The following POMT2 variants were observed in gnomAD, a reference collection of about 807,000 sequenced individuals.
POMT2 encodes the protein protein O-mannosyl-transferase 2.
In POMT2, 75 loss-of-function variants were observed where a neutral mutation model predicts 100.0. The observed-to-expected ratio is 0.75, with a 90% CI of 0.62 to 0.91. The LOEUF (loss-of-function observed/expected upper bound fraction) is 0.91. POMT2 is among the 40% of genes least tolerant of loss of function. The pLI is 0.00. For synonymous variants in POMT2, 378 were observed against 374.1 expected (o/e 1.01, Z -0.12); for missense variants, 940 against 955.1 (o/e 0.98, Z 0.21).
Position 77,278,418 on chromosome 14 carries a change from C to G in POMT2, c.2123G>C (p.Ser708Thr). The G allele has an allele frequency of 6.8e-7, 1 of 1,479,708 alleles. No individual in the cohort carries two copies. Among genetic ancestry groups the G allele is most frequent in the Non-Finnish European group, 9.2e-7 (1 of 1,082,372 alleles). The allele number at this position is 1,479,708 out of a possible 1,614,324, so 91.7% of individuals were successfully genotyped here. ...ARGIHVAGIL[S>T]LLLGTAYSFY... The stretch of plus-strand genomic sequence containing the variant: ...CCTGTAGGCAGTTCCCAGGAGCAGG[C>G]TCAGGATTCCCGCCACATGTATGCC... The change falls in exon 20 of 21, where the codon AGC becomes ACC. Residue 708 changes from serine (S) to threonine (T), a missense_variant. Ser to Thr is a moderately conservative substitution (Grantham distance 58). Coordinates refer to ENST00000261534, the MANE Select transcript of POMT2 (RefSeq NM_013382.7).
chr14:77,288,441 C>A (rs1029417473), intron 11 of POMT2, among the ~76,000 whole-genome samples: 5 of 151,950 alleles, frequency 3.3e-5, no homozygotes, highest in African/African-American at 1.2e-4. Context: ...GAGGCTGAAG[C>A]GGGAGGATCG....
intron 10 of POMT2, 61 bp from the exon 11 acceptor site, chr14:77,288,892 G>T: frequency 7.2e-7 from 1 of 1,393,610 alleles, no homozygotes; most frequent in Non-Finnish European, 1.0e-6. Context: ...ATTAATCAAG[G>T]GCCTACTGGT....
In POMT2 at chr14:77,290,466, G is replaced by A. The variant is rs192478266; in HGVS notation, c.1183+848C>T. Among the ~76,000 whole-genome samples, 7 of 152,346 alleles carry A rather than the reference G, an allele frequency of 4.6e-5. No homozygotes were observed. The East Asian group carries it at 1.3e-3, about 29-fold the overall frequency. The stretch of plus-strand genomic sequence containing the variant: ...AATAAGAGGAGGTGGATTTAGGTGA[G>A]CAGCTGCCCATTTCTCTACAAAGGC... On this transcript the variant is annotated intron_variant, in intron 10 of 20. Coordinates refer to ENST00000261534, the MANE Select transcript of POMT2 (RefSeq NM_013382.7).
In POMT2 at chr14:77,279,860, G is replaced by A. The variant is rs1407950406; in HGVS notation, c.1854C>T (p.Ala618=). ...CTGGCAGCCGTGCCCCTCTCTGCAT[G>A]GCTACAGCAATGATGCTCCCTGAGA... is the stretch of plus-strand genomic sequence containing the variant. The part of the protein sequence containing the change: ...YLLSGSIIAV[A]MQRGARLPAE... Residue 618 remains alanine (A), a synonymous_variant, in exon 18 of 21, where the codon GCC becomes GCT. Coordinates refer to ENST00000261534, the MANE Select transcript of POMT2 (RefSeq NM_013382.7). 5.0e-6 allele frequency: 8 copies of A among 1,613,962 alleles called. No individual in the cohort carries two copies. In the South Asian group the frequency reaches 8.8e-5, roughly 18 times the overall value.
rs186872560 is a variant in POMT2, at chr14:77,284,998, C to T, written c.1528G>A (p.Glu510Lys). The T allele has an allele frequency of 6.2e-6, 10 of 1,613,744 alleles. No homozygotes were observed. The Admixed American group carries it at 1.2e-4, about 19-fold the overall frequency. The change falls in exon 14 of 21, where the codon GAA (glutamate) becomes AAA (lysine). Residue 510 changes from glutamate to lysine, a missense_variant. Coordinates refer to ENST00000261534, the MANE Select transcript of POMT2 (RefSeq NM_013382.7). Reference sequence around the variant, plus strand: ...ACATTCCAGATGGAGTTGAGGGTTTCTTTCAGGTATGGGGTGCAAGTAACT... The same window carrying T: ...ACATTCCAGATGGAGTTGAGGGTTTTTTTCAGGTATGGGGTGCAAGTAACT... ...LEVTCTPYLK[E>K]TLNSIWNVED...
chr14:77,278,416 G>A lies in POMT2; in HGVS notation c.2125C>T (p.Leu709=). 1 of 1,476,518 alleles carries A rather than the reference G, an allele frequency of 6.8e-7. No homozygotes were observed. Among genetic ancestry groups the A allele is most frequent in the Non-Finnish European group, 9.3e-7 (1 of 1,079,346 alleles). 91.5% of individuals were successfully genotyped at this position (1,476,518 alleles called of 1,614,324 possible). Residue 709 remains leucine (L), a synonymous_variant, in exon 20 of 21, where the codon CTG becomes TTG. Transcript: ENST00000261534. ...CACCTGTAGGCAGTTCCCAGGAGCA[G>A]GCTCAGGATTCCCGCCACATGTATG... ...RGIHVAGILS[L]LLGTAYSFYL... is the part of the protein sequence containing the mutation.
At chr14:77,300,941 C>T in intron 6 of POMT2, 149 bp downstream of exon 6, 2 of 1,449,570 alleles carry the variant, frequency 1.4e-6, no homozygotes, top group Non-Finnish European at 1.9e-6. Context: ...TGATGTCCTG[C>T]TGTCTGCGGA....
intron 2 of POMT2, among the ~76,000 whole-genome samples, chr14:77,309,897 C>T (rs1450275007): frequency 6.6e-6 from 1 of 152,090 alleles, no homozygotes; most frequent in African/African-American, 2.4e-5. Flanking sequence ...AGGCTGGGCT[C>T]GAACTCCTGA....
chr14:77,314,733 A>G (rs990472892), intron 1 of POMT2, among the ~76,000 whole-genome samples: 30 of 152,360 alleles, frequency 2.0e-4, no homozygotes, highest in Admixed American at 1.8e-3. Context: ...AATGGCAGCA[A>G]GCCCAGCAGC....
chr14:77,295,631 CAA>C lies in POMT2; in HGVS notation c.1116+531_1116+532del, dbSNP rs35870247. Among the ~76,000 whole-genome samples, 442 of 83,236 alleles carry C rather than the reference CAA, an allele frequency of 5.3e-3. 2 individuals are homozygous for C. The highest frequency in any genetic ancestry group is 0.017 in the African/African-American group (382 of 21,906). The allele number at this position is 83,236 out of a possible 152,430, so 54.6% of individuals were successfully genotyped here. The stretch of plus-strand genomic sequence containing the variant: ...TGGGTGACAGAGCAAGACTCCATCT[CAA>C]AAAAAAAAAAAAAAAAAAGAAGAGG... On this transcript the variant is annotated intron_variant, in intron 9 of 20. Transcript: ENST00000261534.
At chr14:77,292,913 C>CTATGA (rs1327036932) in intron 9 of POMT2, among the ~76,000 whole-genome samples, 7 of 152,150 alleles carry the variant, frequency 4.6e-5, no homozygotes, top group Non-Finnish European at 1.0e-4. Context: ...TAAGTACATA[C>CTATGA]TATGATGTTC....
At chr14:77,279,177 A>C in intron 18 of POMT2, 2 of 460,240 alleles carry the variant, frequency 4.3e-6, no homozygotes, top group East Asian at 4.5e-5. Context: ...CACCTCCCAC[A>C]TCTTTGCTGC....
chr14:77,277,623 G>T (rs1184749502), intron 20 of POMT2, 142 bp from the exon 21 acceptor site: 9 of 734,726 alleles, frequency 1.2e-5, no homozygotes, highest in Admixed American at 2.0e-5. Context: ...GTCTGTCTGA[G>T]TCCCACTGGG....
At position 77,302,914 on chromosome 14, in the gene POMT2, T is replaced by C. The variant is rs1246421127; in HGVS notation, c.577A>G (p.Ile193Val). Residue 193 changes from isoleucine to valine, a missense_variant, in exon 5 of 21, where the codon ATC becomes GTC. Physicochemically the swap from Ile to Val is conservative, Grantham distance 29 (BLOSUM62 3). Coordinates refer to ENST00000261534, the MANE Select transcript of POMT2 (RefSeq NM_013382.7). Reference sequence around the variant, plus strand: ...AACATCAGGATGGGGTCAAGGAGGATGTACTGGGACAGAGTGAGGCATCCC... The same window carrying C: ...AACATCAGGATGGGGTCAAGGAGGACGTACTGGGACAGAGTGAGGCATCCC... ...DTGCLTLSQYILLDPILMFFI... is the reference protein window; with the variant it reads ...DTGCLTLSQYVLLDPILMFFI... 1.9e-6 allele frequency: 3 copies of C among 1,613,782 alleles called. No individual in the cohort carries two copies. Among genetic ancestry groups the C allele is most frequent in the Non-Finnish European group, 1.7e-6 (2 of 1,179,764 alleles).
intron 5 of POMT2, among the ~76,000 whole-genome samples, chr14:77,301,889 T>C (rs1891057355): frequency 6.6e-6 from 1 of 150,988 alleles, no homozygotes; most frequent in African/African-American, 2.5e-5. Context: ...CCTAGTACTC[T>C]ACACTATGAT....
intron 11 of POMT2, chr14:77,287,696 G>T (rs1890485644): frequency 6.6e-6 from 1 of 151,998 alleles, no homozygotes; most frequent in Admixed American, 6.6e-5. Flanking sequence ...TTCCTTGTGT[G>T]CTTTGTTACT....
chr14:77,304,839 A>G, intron 3 of POMT2, 39 bp from the exon 4 acceptor site: 1 of 1,554,326 alleles, frequency 6.4e-7, no homozygotes, highest in Non-Finnish European at 8.7e-7. Context: ...TAACAAGCTG[A>G]GCTAGGTCAG....
At chr14:77,294,772 T>C (rs537248140) in intron 9 of POMT2, among the ~76,000 whole-genome samples, 1 of 152,344 alleles carries the variant, frequency 6.6e-6, no homozygotes, top group African/African-American at 2.4e-5. Context: ...CTCTTTCTTT[T>C]GTAAATTGCC....
intron 2 of POMT2, among the ~76,000 whole-genome samples, chr14:77,309,605 A>G (rs532153190): frequency 3.7e-4 from 57 of 152,304 alleles, no homozygotes; most frequent in African/African-American, 1.3e-3. Context: ...GGGCAGCCTT[A>G]GAAGCCTCAC....
Sources: allele counts gnomAD v4.1 joint callset (sites outside exome capture counted in the v4.1 genomes callset), GRCh38; gene constraint gnomAD v4.1.1; transcripts MANE v1.5; gene names NCBI Gene and HGNC (gene_info 2026-07-23, HGNC 2026-07-21).